The following CORO2B variants were observed in gnomAD, a reference collection of about 807,000 sequenced individuals.
CORO2B encodes coronin-2B.
Under a neutral mutation model 58.8 loss-of-function variants are expected in CORO2B, and 26 were observed. The observed-to-expected ratio is 0.44, with a 90% CI of 0.32 to 0.61. CORO2B has a LOEUF of 0.61. Among genes scored for constraint, CORO2B ranks in the 20% least tolerant of loss-of-function variants. The pLI is 0.04. For missense variants in CORO2B, 460 were observed against 645.1 expected, an observed-to-expected ratio of 0.71 and a Z score of 3.11; for synonymous variants, 242 against 253.8, an observed-to-expected ratio of 0.95 and a Z score of 0.44.
chr15:68,564,607 T>C, the CORO2B span, among the ~76,000 whole-genome samples: 2 of 152,236 alleles, frequency 1.3e-5, no homozygotes, highest in Non-Finnish European at 2.9e-5. Context: ...CCACAGTTCC[T>C]GGCCCAAAGC....
the CORO2B span, among the ~76,000 whole-genome samples, chr15:68,561,207 A>G: frequency 6.6e-6 from 1 of 151,844 alleles, no homozygotes; most frequent in African/African-American, 2.4e-5. Context: ...GATAAGGGGG[A>G]GGGGCTGGGA....
chr15:68,534,073 C>G, the CORO2B span, among the ~76,000 whole-genome samples: 1 of 152,222 alleles, frequency 6.6e-6, no homozygotes, highest in Non-Finnish European at 1.5e-5. Context: ...ACTCTTTCCC[C>G]TGGACAACCT....
At chr15:68,717,611 T>C (rs1567019625) in intron 8 of CORO2B, among the ~76,000 whole-genome samples, 1 of 152,194 alleles carries the variant, frequency 6.6e-6, no homozygotes, top group Non-Finnish European at 1.5e-5. Context: ...ATTGAGCATT[T>C]GCTGTGATGT....
intron 2 of CORO2B, among the ~76,000 whole-genome samples, chr15:68,680,728 C>T (rs1033142633): frequency 3.9e-5 from 6 of 152,140 alleles, no homozygotes; most frequent in Admixed American, 1.3e-4. Context: ...CTGGCTTTGC[C>T]GCTGTGTTAG....
rs74578188 is a variant in CORO2B, at chr15:68,670,834, C to T, written c.217-24306C>T. Reference sequence around the variant, plus strand: ...GCTGTCAGGGTTATAGGGAAATGGCCATTCTCTTGAGTTGCTGACAGGAGT... The same window carrying T: ...GCTGTCAGGGTTATAGGGAAATGGCTATTCTCTTGAGTTGCTGACAGGAGT... On this transcript the variant is annotated intron_variant, in intron 2 of 11. Transcript: ENST00000261861. Among the ~76,000 whole-genome samples, 482 of 152,228 alleles carry T rather than the reference C, an allele frequency of 3.2e-3. 16 individuals are homozygous for T. In the East Asian group the frequency reaches 0.083, roughly 26 times the overall value.
upstream of CORO2B, among the ~76,000 whole-genome samples, chr15:68,576,353 T>C (rs192692443): frequency 4.5e-4 from 68 of 152,068 alleles, no homozygotes; most frequent in African/African-American, 1.5e-3. Flanking sequence ...TCAGAAACAT[T>C]TTCCTTCTGC....
At chr15:68,711,074 A>G (rs1362084343) in intron 4 of CORO2B, among the ~76,000 whole-genome samples, 193 bp downstream of exon 4, 1 of 152,166 alleles carries the variant, frequency 6.6e-6, no homozygotes, top group Non-Finnish European at 1.5e-5. Context: ...CCTGGGGTCC[A>G]CAGAGGCCGG....
At chr15:68,561,389 C>G in the CORO2B span, among the ~76,000 whole-genome samples, 7 of 151,060 alleles carry the variant, frequency 4.6e-5, no homozygotes, top group Admixed American at 3.9e-4. Context: ...CTCCCCGACT[C>G]TCCCCTGCCC....
chr15:68,615,128 G>T (rs1900322397), intron 1 of CORO2B, among the ~76,000 whole-genome samples: 1 of 152,208 alleles, frequency 6.6e-6, no homozygotes, highest in African/African-American at 2.4e-5. Flanking sequence ...GCTTAGTTCA[G>T]GTTCAGGACA....
At chr15:68,527,144 G>A in the CORO2B span, among the ~76,000 whole-genome samples, 1 of 152,194 alleles carries the variant, frequency 6.6e-6, no homozygotes, top group Non-Finnish European at 1.5e-5. Flanking sequence ...ACAGGTACTT[G>A]TTATGTAAGT....
chr15:68,695,027 C>T lies in CORO2B; in HGVS notation c.217-113C>T, dbSNP rs545856168. The T allele has an allele frequency of 3.1e-4, 245 of 785,256 alleles. 4 individuals are homozygous for T. The South Asian group carries it at 3.7e-3, about 12-fold the overall frequency. 48.6% of individuals were successfully genotyped at this position (785,256 alleles called of 1,614,324 possible). A position where few individuals can be genotyped will look rare whatever the true frequency, so the allele number is the denominator to read the frequency against. On this transcript the variant is annotated intron_variant, in intron 2 of 11. Transcript: ENST00000261861. ...AACAAAAATAAAACACAGGTGATTCCTCAAGGACCTTCCAGTCCAGTTGAG... is the reference window on the plus strand; with the variant it reads ...AACAAAAATAAAACACAGGTGATTCTTCAAGGACCTTCCAGTCCAGTTGAG...
chr15:68,531,500 AAAGGAAGGAAGGAAGGAAGG>A, the CORO2B span, among the ~76,000 whole-genome samples: 54,399 of 113,504 alleles, frequency 0.48, 14,077 homozygotes, highest in South Asian at 0.66. Context: ...GTATCTCAAA[AAAGGAAGGAAGGAAGGAAGG>A]AAGGAAGGAA....
chr15:68,568,039 G>GAAAA, the CORO2B span, among the ~76,000 whole-genome samples: 2 of 152,120 alleles, frequency 1.3e-5, no homozygotes, highest in East Asian at 3.8e-4. Context: ...GAAAAGAAAA[G>GAAAA]AAATATTGGC....
chr15:68,690,044 T>C (rs571024320), intron 2 of CORO2B, among the ~76,000 whole-genome samples: 3 of 152,372 alleles, frequency 2.0e-5, no homozygotes, highest in East Asian at 1.9e-4. Flanking sequence ...ATATTAAAAA[T>C]GTATTACTTC....
rs150838319 is a variant in CORO2B, at chr15:68,699,728, C to T, written c.333+4472C>T. Among the ~76,000 whole-genome samples, 170 of 152,284 alleles carry T rather than the reference C, an allele frequency of 1.1e-3. 1 individual carries two copies. Among genetic ancestry groups the T allele is most frequent in the African/African-American group, 3.9e-3 (160 of 41,548 alleles). On this transcript the variant is annotated intron_variant, in intron 3 of 11. Coordinates refer to ENST00000261861, the MANE Select transcript of CORO2B (RefSeq NM_006091.5). ...CTGGATCCCAACCTCTCCTGGAGGA[C>T]GTGCTCTGGGACCCTAAGGGAGGTG...
At chr15:68,680,486 G>A (rs1405754322) in intron 2 of CORO2B, among the ~76,000 whole-genome samples, 1 of 152,202 alleles carries the variant, frequency 6.6e-6, no homozygotes, top group Non-Finnish European at 1.5e-5. Flanking sequence ...TCTGCACCAT[G>A]CAAATGGTAC....
At chr15:68,563,968 C>A in the CORO2B span, among the ~76,000 whole-genome samples, 1 of 152,188 alleles carries the variant, frequency 6.6e-6, no homozygotes, top group Non-Finnish European at 1.5e-5. Flanking sequence ...TTCTCAGATT[C>A]TTCCAAAAAA....
intron 2 of CORO2B, among the ~76,000 whole-genome samples, chr15:68,648,068 C>T (rs1595988253): frequency 1.3e-5 from 2 of 148,952 alleles, no homozygotes; most frequent in Middle Eastern, 3.3e-3. Context: ...CATGGTGGCT[C>T]ACGCCTATAA....
chr15:68,722,036 A>G (rs1036950240), intron 11 of CORO2B, among the ~76,000 whole-genome samples: 2 of 152,166 alleles, frequency 1.3e-5, no homozygotes, highest in Non-Finnish European at 2.9e-5. Flanking sequence ...TACAGTCATG[A>G]GACACTGCGC....
Sources: allele counts gnomAD v4.1 joint callset (sites outside exome capture counted in the v4.1 genomes callset), GRCh38; gene constraint gnomAD v4.1.1; transcripts MANE v1.5; gene names NCBI Gene and HGNC (gene_info 2026-07-23, HGNC 2026-07-21).